COG5: variants seen among roughly 807,000 people sequenced by gnomAD.
COG5 encodes the protein component of oligomeric golgi complex 5, also known as conserved oligomeric Golgi complex subunit 5.
Under a neutral mutation model 110.4 loss-of-function variants are expected in COG5, and 86 were observed. That is an observed-to-expected ratio of 0.78 (90% CI 0.65 to 0.93). The LOEUF is 0.93. COG5 is among the 40% of genes least tolerant of loss of function. COG5 has a pLI of 0.00. For missense variants in COG5, 1,077 were observed against 987.0 expected, an observed-to-expected ratio of 1.09 and a Z score of -1.22; for synonymous variants, 360 against 334.6, an observed-to-expected ratio of 1.08 and a Z score of -0.83.
chr7:107,303,213 T>A (rs570938367), intron 11 of COG5, among the ~76,000 whole-genome samples: 1 of 151,804 alleles, frequency 6.6e-6, no homozygotes, highest in Non-Finnish European at 1.5e-5. Flanking sequence ...TCATGCCCAG[T>A]TGAATATGTT....
chr7:107,405,593 T>C (rs1006196862), intron 7 of COG5, among the ~76,000 whole-genome samples: 3 of 152,170 alleles, frequency 2.0e-5, no homozygotes. Flanking sequence ...AAATATCAAT[T>C]TATACATAAG....
chr7:107,445,955 C>T (rs1226384578), intron 6 of COG5, among the ~76,000 whole-genome samples: 1 of 152,154 alleles, frequency 6.6e-6, no homozygotes, highest in Non-Finnish European at 1.5e-5. Context: ...CTGCCCACTG[C>T]ACAACTTGAC....
rs139487864 is a variant in COG5, at chr7:107,545,578, G to A, written c.417+2533C>T. Among the ~76,000 whole-genome samples, 73 of 152,134 alleles carry A rather than the reference G, an allele frequency of 4.8e-4. No homozygotes were observed. The East Asian group carries it at 0.011, about 23-fold the overall frequency. ...GCAGATCACCCGAGGTCAGGAGTTC[G>A]AGACCAGCCTGGCCAAGAAGGCGAA... On this transcript the variant is annotated intron_variant, in intron 5 of 21. Transcript: ENST00000297135.
chr7:107,389,697 C>T (rs766279927), intron 7 of COG5, among the ~76,000 whole-genome samples: 3 of 152,142 alleles, frequency 2.0e-5, no homozygotes, highest in Non-Finnish European at 4.4e-5. Context: ...ATGTCCTCAC[C>T]TGTCATGACT....
At chr7:107,513,051 T>C (rs2129145573) in intron 6 of COG5, among the ~76,000 whole-genome samples, 1 of 151,772 alleles carries the variant, frequency 6.6e-6, no homozygotes, top group Admixed American at 6.5e-5. Flanking sequence ...ACAAATGGGA[T>C]CTAATTAAAC....
At chr7:107,481,702 T>C (rs1797358691) in intron 6 of COG5, among the ~76,000 whole-genome samples, 1 of 152,162 alleles carries the variant, frequency 6.6e-6, no homozygotes, top group Non-Finnish European at 1.5e-5. Context: ...AGTCTCACTC[T>C]CAATTCTTAA....
chr7:107,304,677 A>G (rs1458854916), intron 11 of COG5, among the ~76,000 whole-genome samples: 1 of 152,118 alleles, frequency 6.6e-6, no homozygotes, highest in East Asian at 1.9e-4. Flanking sequence ...CTGTGCCTAA[A>G]CCTCAGCCTG....
chr7:107,378,178 G>T (rs563830289), intron 7 of COG5, among the ~76,000 whole-genome samples: 15 of 152,278 alleles, frequency 9.9e-5, no homozygotes, highest in African/African-American at 3.6e-4. Context: ...CAGCAGAGGG[G>T]TCTGACCGTC....
chr7:107,397,951 G>A (rs1791134692), intron 7 of COG5, among the ~76,000 whole-genome samples: 1 of 151,836 alleles, frequency 6.6e-6, no homozygotes, highest in Non-Finnish European at 1.5e-5. Context: ...TTCAACAAAA[G>A]GTGCTCAAAA....
intron 21 of COG5, chr7:107,209,617 T>C (rs1044519274): frequency 6.1e-6 from 1 of 163,780 alleles, no homozygotes; most frequent in Non-Finnish European, 1.3e-5. Context: ...TAGAAGAAGA[T>C]AATTCAGCAA....
At chr7:107,226,286 C>T (rs892475495) in intron 19 of COG5, among the ~76,000 whole-genome samples, 21 of 152,160 alleles carry the variant, frequency 1.4e-4, no homozygotes, top group African/African-American at 5.1e-4. Flanking sequence ...TGAGGAGACC[C>T]ATGAACAAGT....
intron 12 of COG5, among the ~76,000 whole-genome samples, chr7:107,284,485 T>C (rs1805464377): frequency 1.3e-5 from 2 of 152,196 alleles, no homozygotes; most frequent in African/African-American, 4.8e-5. Context: ...GCTCACTGAC[T>C]GAGAGGGAAG....
chr7:107,368,342 A>C (rs1813814016), intron 8 of COG5, among the ~76,000 whole-genome samples: 1 of 152,160 alleles, frequency 6.6e-6, no homozygotes, highest in Non-Finnish European at 1.5e-5. Flanking sequence ...TGGTGGGGCT[A>C]AACTATGGTG....
chr7:107,312,204 T>G (rs1808329930), intron 11 of COG5, among the ~76,000 whole-genome samples: 1 of 152,210 alleles, frequency 6.6e-6, no homozygotes, highest in African/African-American at 2.4e-5. Flanking sequence ...AAGATTATTT[T>G]GATTTTTACA....
intron 6 of COG5, among the ~76,000 whole-genome samples, chr7:107,414,481 T>A (rs1307951529): frequency 1.3e-5 from 2 of 152,124 alleles, no homozygotes; most frequent in African/African-American, 2.4e-5. Context: ...AAAAATTTAA[T>A]CTACTAGATT....
chr7:107,310,790 G>T (rs1429595572), intron 11 of COG5, among the ~76,000 whole-genome samples: 1 of 152,150 alleles, frequency 6.6e-6, no homozygotes, highest in Non-Finnish European at 1.5e-5. Context: ...CACACACCCA[G>T]GACTGAGACA....
chr7:107,339,471 T>C (rs960791900), intron 10 of COG5, among the ~76,000 whole-genome samples: 1 of 151,914 alleles, frequency 6.6e-6, no homozygotes, highest in African/African-American at 2.4e-5. Flanking sequence ...ATCATGGAGG[T>C]AGAAAACTAA....
At chr7:107,310,576 T>C (rs1219395290) in intron 11 of COG5, among the ~76,000 whole-genome samples, 3 of 152,158 alleles carry the variant, frequency 2.0e-5, no homozygotes, top group Non-Finnish European at 2.9e-5. Flanking sequence ...ATAAAGAACA[T>C]GTGTGGAATA....
At chr7:107,238,934 A>G (rs755867472) in intron 17 of COG5, among the ~76,000 whole-genome samples, 6 of 152,158 alleles carry the variant, frequency 3.9e-5, no homozygotes, top group Admixed American at 6.5e-5. Flanking sequence ...TCCCCAATCC[A>G]TAGGTTGTCA....
Sources: allele counts gnomAD v4.1 joint callset (sites outside exome capture counted in the v4.1 genomes callset), GRCh38; gene constraint gnomAD v4.1.1; transcripts MANE v1.5; gene names NCBI Gene and HGNC (gene_info 2026-07-23, HGNC 2026-07-21).